Variants in PARD3B observed in about 807,000 individuals in gnomAD.
PARD3B encodes partitioning defective 3 homolog B.
PARD3B carries 103 observed loss-of-function variants against 130.2 expected under a neutral mutation model. The ratio of observed to expected loss-of-function variants is 0.79; its 90% CI spans 0.67 to 0.93. The LOEUF (loss-of-function observed/expected upper bound fraction) is 0.93. Among genes scored for constraint, PARD3B ranks in the 40% least tolerant of loss-of-function variants. PARD3B has a pLI of 0.00. For missense variants in PARD3B, 1,609 were observed against 1,499.2 expected, an observed-to-expected ratio of 1.07 and a Z score of -1.21; for synonymous variants, 583 against 553.2, an observed-to-expected ratio of 1.05 and a Z score of -0.76.
chr2:205,322,623 C>T (rs1227278906), intron 18 of PARD3B, among the ~76,000 whole-genome samples: 1 of 152,126 alleles, frequency 6.6e-6, no homozygotes, highest in Admixed American at 6.6e-5. Flanking sequence ...ATATAGCTAA[C>T]TGGAGATAGT....
At chr2:205,513,575 A>G (rs2050672899) in intron 21 of PARD3B, among the ~76,000 whole-genome samples, 1 of 152,118 alleles carries the variant, frequency 6.6e-6, no homozygotes, top group African/African-American at 2.4e-5. Context: ...CCTATCATCA[A>G]TTAAGGAAAA....
chr2:205,191,327 A>G lies in PARD3B; in HGVS notation c.2025-1878A>G, dbSNP rs556621168. Among the ~76,000 whole-genome samples, 12 of 152,270 alleles carry G rather than the reference A, an allele frequency of 7.9e-5. No homozygotes were observed. In the South Asian group the frequency reaches 2.5e-3, roughly 32 times the overall value. On this transcript the variant is annotated intron_variant, in intron 14 of 22. Coordinates refer to ENST00000406610, the MANE Select transcript of PARD3B (RefSeq NM_001302769.2). ...TTACAAAAATTTTAAAGAGTCATAA[A>G]TTCTATTCTTATCCATTTTATGGAT...
intron 2 of PARD3B, among the ~76,000 whole-genome samples, chr2:204,891,980 C>A (rs2046465296): frequency 6.6e-6 from 1 of 152,122 alleles, no homozygotes; most frequent in South Asian, 2.1e-4. Flanking sequence ...ATTGATTATT[C>A]ATTTATTTAT....
At chr2:205,270,508 A>G (rs541361328) in intron 16 of PARD3B, among the ~76,000 whole-genome samples, 1 of 152,070 alleles carries the variant, frequency 6.6e-6, no homozygotes, top group East Asian at 1.9e-4. Flanking sequence ...CGGAGGTTGC[A>G]GTGAGCCAAG....
chr2:204,732,051 C>A (rs1043148631), intron 2 of PARD3B, among the ~76,000 whole-genome samples: 3 of 151,160 alleles, frequency 2.0e-5, no homozygotes, highest in Non-Finnish European at 4.4e-5. Context: ...CCATAACTCA[C>A]CATTCCTCTT....
rs1423897206 is a variant in PARD3B, at chr2:205,116,251, T to G, written c.681-2670T>G. On this transcript the variant is annotated intron_variant, in intron 6 of 22. Transcript: ENST00000406610. The surrounding 1 kb of genome is among the most constrained non-coding windows in gnomAD (Gnocchi z 4.5). ...AAACATGAAATCTAATTCGTTTCAG[T>G]ACAGATGCATAATATGCCTCAGTTT... Among the ~76,000 whole-genome samples, 1 of 152,198 alleles carries G rather than the reference T, an allele frequency of 6.6e-6. No homozygotes were observed. Among genetic ancestry groups the G allele is most frequent in the African/African-American group, 2.4e-5 (1 of 41,444 alleles).
intron 1 of PARD3B, among the ~76,000 whole-genome samples, chr2:204,656,902 G>A (rs1462387918): frequency 6.6e-6 from 1 of 152,106 alleles, no homozygotes; most frequent in Admixed American, 6.5e-5. Flanking sequence ...ACTTTTGTCT[G>A]TGCCTTTGTG....
intron 2 of PARD3B, among the ~76,000 whole-genome samples, chr2:204,739,388 G>GT (rs1328526925): frequency 1.3e-5 from 2 of 152,014 alleles, no homozygotes; most frequent in Non-Finnish European, 2.9e-5. Flanking sequence ...GAGTATGTTG[G>GT]TTTTCTGGAC....
In PARD3B at chr2:205,185,749, G is replaced by A; in HGVS notation, c.1925-15G>A. On this transcript the variant is annotated splice_polypyrimidine_tract_variant and intron_variant, in intron 13 of 22. Transcript: ENST00000406610. The stretch of plus-strand genomic sequence containing the variant: ...GCTTCCACTTTATACAGCTTCATTT[G>A]TTCTTTGTTTATAGGTCTATTGCTG... The A allele has an allele frequency of 6.2e-7, 1 of 1,608,568 alleles. No individual in the cohort carries two copies. Among genetic ancestry groups the A allele is most frequent in the Non-Finnish European group, 8.5e-7 (1 of 1,174,948 alleles).
chr2:205,608,908 C>T (rs1345341186), intron 22 of PARD3B, among the ~76,000 whole-genome samples: 2 of 152,200 alleles, frequency 1.3e-5, no homozygotes, highest in Non-Finnish European at 2.9e-5. Context: ...TCTGTACAAA[C>T]ATTTCCTTGG....
chr2:205,289,125 C>A (rs188517333), intron 16 of PARD3B, among the ~76,000 whole-genome samples: 52 of 152,216 alleles, frequency 3.4e-4, no homozygotes, highest in Non-Finnish European at 6.5e-4. Context: ...TGAAAAATAT[C>A]TTTGCAAGAA....
chr2:205,378,716 C>G (rs2105927658), intron 18 of PARD3B, among the ~76,000 whole-genome samples: 1 of 150,968 alleles, frequency 6.6e-6, no homozygotes, highest in South Asian at 2.1e-4. Context: ...ACTGCAACCT[C>G]CGCCTCCCAG....
chr2:204,939,461 G>A (rs1215349943), intron 2 of PARD3B, among the ~76,000 whole-genome samples: 4 of 152,152 alleles, frequency 2.6e-5, no homozygotes, highest in Non-Finnish European at 5.9e-5. Context: ...AGGACAATGT[G>A]TTACAGAAGG....
chr2:204,870,675 C>T (rs1192456420), intron 2 of PARD3B, among the ~76,000 whole-genome samples: 1 of 152,106 alleles, frequency 6.6e-6, no homozygotes, highest in Non-Finnish European at 1.5e-5. Flanking sequence ...TTCTTTTAAG[C>T]TCTGTGAAAT....
intron 1 of PARD3B, among the ~76,000 whole-genome samples, chr2:204,627,869 T>C (rs1409306537): frequency 6.6e-6 from 1 of 152,116 alleles, no homozygotes; most frequent in African/African-American, 2.4e-5. Flanking sequence ...CTCTGACATT[T>C]GTATGTAAAT....
chr2:204,821,313 A>G (rs1436660137), intron 2 of PARD3B, among the ~76,000 whole-genome samples: 7 of 152,162 alleles, frequency 4.6e-5, no homozygotes, highest in Admixed American at 2.6e-4. Context: ...ATGTCCAACA[A>G]TGATAGACTG....
At chr2:204,598,542 G>A (rs1417522370) in intron 1 of PARD3B, among the ~76,000 whole-genome samples, 1 of 151,654 alleles carries the variant, frequency 6.6e-6, no homozygotes, top group African/African-American at 2.4e-5. Context: ...GCCATTATGG[G>A]GATTAAATGA....
intron 6 of PARD3B, among the ~76,000 whole-genome samples, chr2:205,117,926 C>CACACACACACAT (rs2030071321): frequency 6.6e-6 from 1 of 152,188 alleles, no homozygotes; most frequent in Non-Finnish European, 1.5e-5. Context: ...TACACACACA[C>CACACACACACAT]ACACACACAC....
chr2:205,011,665 G>A lies in PARD3B; in HGVS notation c.395-35916G>A, dbSNP rs551850746. Among the ~76,000 whole-genome samples, 72 of 152,184 alleles carry A rather than the reference G, an allele frequency of 4.7e-4. No homozygotes were observed. Among genetic ancestry groups the A allele is most frequent in the Non-Finnish European group, 6.9e-4 (47 of 68,024 alleles). On this transcript the variant is annotated intron_variant, in intron 3 of 22. Transcript: ENST00000406610. This position sits in a 1 kb window ranked among gnomAD's most constrained non-coding sequence, Gnocchi z 4.1. The stretch of plus-strand genomic sequence containing the variant: ...GGACTTCTTTTCTCAATTATTTTCC[G>A]CAGAGAAAGACTCCTCTCCATGTGC...
Sources: gnomAD v4.1 joint callset for allele counts (sites outside exome capture counted in the v4.1 genomes callset) on GRCh38, gnomAD v4.1.1 for gene constraint, Gnocchi (gnomAD v3.1) non-coding constraint, MANE v1.5 for transcripts, NCBI Gene and HGNC (gene_info 2026-07-23, HGNC 2026-07-21) for gene names.